TFDP1: variants seen among roughly 807,000 people sequenced by gnomAD.
TFDP1 encodes the protein DRTF1-polypeptide 1.
In TFDP1, 6 loss-of-function variants were observed where a neutral mutation model predicts 48.0. The observed-to-expected ratio is 0.13, with a 90% CI of 0.07 to 0.25. The LOEUF (loss-of-function observed/expected upper bound fraction) is 0.25. TFDP1 is among the 10% of genes least tolerant of loss of function. The pLI is 1.00. For synonymous variants in TFDP1, 201 were observed against 211.6 expected (o/e 0.95, Z 0.44); for missense variants, 335 against 543.0 (o/e 0.62, Z 3.81).
chr13:113,585,917 C>G, intron 2 of TFDP1, 68 bp downstream of exon 2: 8 of 1,537,214 alleles, frequency 5.2e-6, no homozygotes, highest in Non-Finnish European at 7.2e-6. Context: ...AGTTCTCTGC[C>G]TTTATTTCAG....
chr13:113,614,298 G>C (rs1221215327), intron 3 of TFDP1, among the ~76,000 whole-genome samples: 1 of 152,084 alleles, frequency 6.6e-6, no homozygotes, highest in Non-Finnish European at 1.5e-5. Flanking sequence ...TGCAGTCCTC[G>C]CCTCCCCAAC....
rs560330823 is a variant in TFDP1, at chr13:113,589,355, G to A, written c.12+3506G>A. 8.5e-5 allele frequency among the ~76,000 whole-genome samples: 13 copies of A among 152,294 alleles called. No homozygotes were observed. The South Asian group carries it at 2.7e-3, about 32-fold the overall frequency. On this transcript the variant is annotated intron_variant, in intron 2 of 11. Coordinates refer to ENST00000375370, the MANE Select transcript of TFDP1 (RefSeq NM_007111.5). ...CTTGCCCAGCAGGAGCGCTGGCATA[G>A]CATGGATCACTTACAGAAATTTATG...
At chr13:113,591,027 A>AAAG (rs1245927635) in intron 2 of TFDP1, among the ~76,000 whole-genome samples, 2 of 129,868 alleles carry the variant, frequency 1.5e-5, no homozygotes, top group South Asian at 2.2e-4. Flanking sequence ...AAAAAAAAAA[A>AAAG]AAAGAAAAAG....
Position 113,633,758 on chromosome 13 carries a change from C to T in TFDP1, c.475-132C>T. ...CTGCGTCATCTGTGGGGTGGGAGCG[C>T]TCCCTGAGGGCATGTTGGGGTGGCG... is the stretch of plus-strand genomic sequence containing the variant. On this transcript the variant is annotated intron_variant, in intron 6 of 11. Transcript: ENST00000375370. This position sits in a 1 kb window ranked among gnomAD's most constrained non-coding sequence, Gnocchi z 4.5. 1.8e-6 allele frequency: 2 copies of T among 1,095,424 alleles called. No homozygotes were observed. Among genetic ancestry groups the T allele is most frequent in the Non-Finnish European group, 2.6e-6 (2 of 760,186 alleles). The allele number at this position is 1,095,424 out of a possible 1,614,324, so 67.9% of individuals were successfully genotyped here.
chr13:113,626,936 C>T (rs1020198457), intron 4 of TFDP1, among the ~76,000 whole-genome samples: 6 of 152,118 alleles, frequency 3.9e-5, no homozygotes, highest in Non-Finnish European at 5.9e-5. Context: ...TGGGGGGAAA[C>T]GAATGAGAAG....
intron 4 of TFDP1, among the ~76,000 whole-genome samples, chr13:113,626,994 C>T (rs1051256820): frequency 1.3e-5 from 2 of 152,210 alleles, no homozygotes; most frequent in East Asian, 1.9e-4. Flanking sequence ...AGTCAAGTTC[C>T]TGATTTAAAT....
At chr13:113,639,807 T>C (rs902422715) in intron 11 of TFDP1, among the ~76,000 whole-genome samples, 1 of 152,230 alleles carries the variant, frequency 6.6e-6, no homozygotes, top group African/African-American at 2.4e-5. Context: ...GTTTTACAGT[T>C]TGTTCCCTCT....
At chr13:113,602,616 C>G (rs957971865) in intron 2 of TFDP1, among the ~76,000 whole-genome samples, 6 of 152,234 alleles carry the variant, frequency 3.9e-5, no homozygotes, top group African/African-American at 1.4e-4. Flanking sequence ...CTTCTCAGCT[C>G]TGCTTACTTT....
chr13:113,612,906 C>A (rs532018799), intron 3 of TFDP1, among the ~76,000 whole-genome samples: 1 of 152,280 alleles, frequency 6.6e-6, no homozygotes, highest in South Asian at 2.1e-4. Flanking sequence ...GCCCCCAGAT[C>A]CCTCCCACAT....
chr13:113,615,121 A>C (rs1299276795), intron 3 of TFDP1, among the ~76,000 whole-genome samples: 1 of 152,114 alleles, frequency 6.6e-6, no homozygotes, highest in Non-Finnish European at 1.5e-5. Context: ...CTCCCCAAGG[A>C]TGGGAGTCCC....
intron 1 of TFDP1, 164 bp from the exon 2 acceptor site, chr13:113,585,610 A>G (rs938855173): frequency 1.3e-5 from 6 of 447,392 alleles, no homozygotes; most frequent in African/African-American, 9.9e-5. Context: ...GGCGACTGAA[A>G]ATCCTGAGTG....
intron 2 of TFDP1, among the ~76,000 whole-genome samples, chr13:113,597,560 G>T (rs1263344484): frequency 6.6e-6 from 1 of 152,238 alleles, no homozygotes; most frequent in African/African-American, 2.4e-5. Flanking sequence ...CTGTGTGCTC[G>T]CCTGTCCCAC....
intron 2 of TFDP1, among the ~76,000 whole-genome samples, chr13:113,595,526 G>C (rs2048265666): frequency 6.6e-6 from 1 of 152,148 alleles, no homozygotes; most frequent in Non-Finnish European, 1.5e-5. Context: ...GGAGTTAGGA[G>C]CGCTCTTCCT....
chr13:113,626,729 C>T (rs763174218), intron 4 of TFDP1, among the ~76,000 whole-genome samples: 31 of 152,218 alleles, frequency 2.0e-4, no homozygotes, highest in Admixed American at 6.5e-4. Flanking sequence ...CAGCAGATCA[C>T]GGCTTTTCAG....
At chr13:113,634,863 G>A (rs1368508944) in intron 8 of TFDP1, among the ~76,000 whole-genome samples, 1 of 151,658 alleles carries the variant, frequency 6.6e-6, no homozygotes, top group Non-Finnish European at 1.5e-5. Flanking sequence ...GTGCGTGCGT[G>A]CGTGTGCCTG....
At chr13:113,591,100 C>T (rs1056559738) in intron 2 of TFDP1, among the ~76,000 whole-genome samples, 70 of 150,930 alleles carry the variant, frequency 4.6e-4, no homozygotes, top group Non-Finnish European at 8.7e-4. Flanking sequence ...CCTGTAATCC[C>T]GGAGGCCAAG....
chr13:113,601,656 G>T (rs73577420), intron 2 of TFDP1, among the ~76,000 whole-genome samples: 1 of 152,218 alleles, frequency 6.6e-6, no homozygotes, highest in African/African-American at 2.4e-5. Flanking sequence ...AGGAGGACTC[G>T]TGGGAGCTCG....
chr13:113,599,866 C>T (rs1284593312), intron 2 of TFDP1, among the ~76,000 whole-genome samples: 1 of 146,108 alleles, frequency 6.8e-6, no homozygotes, highest in Non-Finnish European at 1.5e-5. Context: ...GAAAGAGAAC[C>T]CTTGTGCTTA....
intron 3 of TFDP1, among the ~76,000 whole-genome samples, chr13:113,618,897 C>T (rs1158686864): frequency 1.3e-5 from 2 of 152,220 alleles, no homozygotes; most frequent in Non-Finnish European, 2.9e-5. Flanking sequence ...TAATATTTGT[C>T]TGTGTTTCAG....
Sources: allele counts gnomAD v4.1 joint callset (sites outside exome capture counted in the v4.1 genomes callset), GRCh38; gene constraint gnomAD v4.1.1; non-coding constraint Gnocchi (gnomAD v3.1); transcripts MANE v1.5; gene names NCBI Gene and HGNC (gene_info 2026-07-23, HGNC 2026-07-21).